Variants in MARCHF8 observed in about 807,000 individuals in gnomAD.
MARCHF8 encodes the protein E3 ubiquitin-protein ligase MARCHF8.
MARCHF8 carries 40 observed loss-of-function variants against 51.6 expected under a neutral mutation model. That is an observed-to-expected ratio of 0.77 (90% CI 0.60 to 1.01). MARCHF8 has a LOEUF of 1.01. Among genes scored for constraint, MARCHF8 ranks in the 50% least tolerant of loss-of-function variants. The pLI, the probability that MARCHF8 is intolerant of heterozygous loss-of-function variation, is 0.00. For synonymous variants in MARCHF8, 263 were observed against 280.3 expected, an observed-to-expected ratio of 0.94 and a Z score of 0.62; for missense variants, 685 against 708.6, an observed-to-expected ratio of 0.97 and a Z score of 0.38.
At chr10:45,583,149 TA>T (rs749427815) in intron 1 of MARCHF8, among the ~76,000 whole-genome samples, 2 of 152,242 alleles carry the variant, frequency 1.3e-5, no homozygotes, top group Non-Finnish European at 2.9e-5. Context: ...TCGCTATTTT[TA>T]AACAATGTCC....
Position 45,509,107 on chromosome 10 carries a change from C to T in MARCHF8, c.103-19690G>A, listed in dbSNP as rs1270433068. On this transcript the variant is annotated intron_variant, in intron 2 of 7. Coordinates refer to ENST00000453424, the MANE Select transcript of MARCHF8 (RefSeq NM_001282866.2). The stretch of plus-strand genomic sequence containing the variant: ...TATGCCAGGTACTTTGGGGCACAGG[C>T]TTCTAAATGACATTGCTTAAACAAC... Among the ~76,000 whole-genome samples the T allele has an allele frequency of 2.6e-5, 4 of 152,178 alleles. No individual in the cohort carries two copies. The East Asian group carries it at 7.7e-4, about 29-fold the overall frequency.
intron 1 of MARCHF8, among the ~76,000 whole-genome samples, chr10:45,569,495 A>C (rs11239564): frequency 0.22 from 33,995 of 152,116 alleles, 4,009 homozygotes; most frequent in South Asian, 0.36. Flanking sequence ...TGCTCAATTT[A>C]GTTTACTAGT....
upstream of MARCHF8, among the ~76,000 whole-genome samples, chr10:45,538,754 CAAG>C (rs1472753362): frequency 6.6e-6 from 1 of 152,180 alleles, no homozygotes; most frequent in South Asian, 2.1e-4. Context: ...ATCAATTCAA[CAAG>C]AAGAGCTAAC....
chr10:45,540,593 C>A (rs1161681192), intron 1 of MARCHF8, among the ~76,000 whole-genome samples: 1 of 152,186 alleles, frequency 6.6e-6, no homozygotes, highest in Non-Finnish European at 1.5e-5. Flanking sequence ...TAAAGAGCTT[C>A]TGCACAGCAA....
rs1213330249 is a variant in MARCHF8 at position 45,463,473 on chromosome 10, G to A, written c.766C>T (p.Arg256Trp). The A allele has an allele frequency of 5.5e-5, 85 of 1,550,516 alleles. No individual in the cohort carries two copies. Among genetic ancestry groups the A allele is most frequent in the Admixed American group, 2.2e-4 (11 of 50,992 alleles). Residue 256 changes from arginine (R) to tryptophan (W), a missense_variant, in exon 5 of 8, where the codon CGG becomes TGG. Coordinates refer to ENST00000453424, the MANE Select transcript of MARCHF8 (RefSeq NM_001282866.2). ...KADGEATSRS[R>W]QLLQYLFSLS... ...GAGAACAGGTACTGGAGCAGTTGCC[G>A]GCTTCGGGACGTGGCCTCACCATCC... is the stretch of plus-strand genomic sequence containing the variant.
chr10:45,576,259 G>A (rs1407232064), intron 1 of MARCHF8, among the ~76,000 whole-genome samples: 2 of 152,120 alleles, frequency 1.3e-5, no homozygotes, highest in Non-Finnish European at 2.9e-5. Context: ...AATTCAATGG[G>A]GAATTGCTTT....
chr10:45,489,837 G>A (rs560592358), intron 2 of MARCHF8, among the ~76,000 whole-genome samples: 5 of 152,244 alleles, frequency 3.3e-5, no homozygotes, highest in South Asian at 2.1e-4. Context: ...GAGTCACGGC[G>A]AAAGAGTGAA....
chr10:45,517,526 G>A (rs2043639461), intron 2 of MARCHF8, among the ~76,000 whole-genome samples: 1 of 152,094 alleles, frequency 6.6e-6, no homozygotes, highest in African/African-American at 2.4e-5. Context: ...CAGACCTCTT[G>A]CTCCTGCTCT....
chr10:45,576,059 G>A (rs757152247), intron 1 of MARCHF8, among the ~76,000 whole-genome samples: 8 of 152,082 alleles, frequency 5.3e-5, no homozygotes, highest in South Asian at 2.1e-4. Flanking sequence ...AGCCTGTTCC[G>A]TGGTCTCTTC....
chr10:45,542,542 G>C (rs1828270443), intron 1 of MARCHF8, among the ~76,000 whole-genome samples: 1 of 152,044 alleles, frequency 6.6e-6, no homozygotes, highest in South Asian at 2.1e-4. Flanking sequence ...ATAATTTATA[G>C]TATATGTAGC....
intron 2 of MARCHF8, among the ~76,000 whole-genome samples, chr10:45,507,828 A>G (rs2043416059): frequency 1.3e-5 from 2 of 150,422 alleles, no homozygotes; most frequent in African/African-American, 2.4e-5. Context: ...AAAAAAAAAG[A>G]TTTTATAAAA....
intron 2 of MARCHF8, among the ~76,000 whole-genome samples, chr10:45,525,869 T>C (rs976047657): frequency 2.0e-5 from 3 of 152,070 alleles, no homozygotes; most frequent in African/African-American, 7.2e-5. Context: ...GTCAAGGTAA[T>C]CTAAAACAAG....
At chr10:45,582,392 G>A (rs548235273) in intron 1 of MARCHF8, among the ~76,000 whole-genome samples, 10 of 152,220 alleles carry the variant, frequency 6.6e-5, no homozygotes, top group African/African-American at 2.2e-4. Flanking sequence ...ATATTATCTT[G>A]TCTTTCTCAT....
chr10:45,484,412 C>T (rs937723086), intron 3 of MARCHF8, among the ~76,000 whole-genome samples: 2 of 152,124 alleles, frequency 1.3e-5, no homozygotes, highest in Non-Finnish European at 2.9e-5. Context: ...AGATGCATGG[C>T]GATTTCATGG....
At chr10:45,566,570 A>G (rs1314028783) in intron 1 of MARCHF8, among the ~76,000 whole-genome samples, 1 of 152,216 alleles carries the variant, frequency 6.6e-6, no homozygotes, top group Non-Finnish European at 1.5e-5. Flanking sequence ...AATGATCTCC[A>G]GTTCCATCCA....
At chr10:45,555,480 T>C (rs193095017) in intron 1 of MARCHF8, among the ~76,000 whole-genome samples, 1 of 152,020 alleles carries the variant, frequency 6.6e-6, no homozygotes, top group African/African-American at 2.4e-5. Context: ...CTCACACCTG[T>C]AATCTCAGTA....
At chr10:45,510,839 T>C (rs973026108) in intron 2 of MARCHF8, among the ~76,000 whole-genome samples, 2 of 152,180 alleles carry the variant, frequency 1.3e-5, no homozygotes, top group African/African-American at 4.8e-5. Context: ...TAAAGTGGAC[T>C]ATGTGGAAGT....
rs112493424 is a variant in MARCHF8 at position 45,500,160 on chromosome 10, T to A, written c.103-10743A>T. 7.2e-5 allele frequency among the ~76,000 whole-genome samples: 11 copies of A among 152,322 alleles called. 2 individuals carry two copies. Among genetic ancestry groups the A allele is most frequent in the African/African-American group, 2.2e-4 (9 of 41,586 alleles). On this transcript the variant is annotated intron_variant, in intron 2 of 7. Transcript: ENST00000453424. ...TAAGTCTTTACCACTTTGGTTAAGT[T>A]TATTCCTATTTTATGCATTTTTGAT...
chr10:45,569,856 G>C lies in MARCHF8; in HGVS notation c.-79+24379C>G, dbSNP rs531560249. The stretch of plus-strand genomic sequence containing the variant: ...AAAATGTAGCTTTTTTTCAGATTGG[G>C]GAGAAGAAAAAAACAAGACCCAATT... On this transcript the variant is annotated intron_variant, in intron 1 of 6. Coordinates refer to the MARCHF8 transcript ENST00000319836. 7.3e-5 allele frequency among the ~76,000 whole-genome samples: 11 copies of C among 151,686 alleles called. 1 individual carries two copies. The South Asian group carries it at 2.3e-3, about 32-fold the overall frequency.
Sources: gnomAD v4.1 joint callset for allele counts (sites outside exome capture counted in the v4.1 genomes callset) on GRCh38, gnomAD v4.1.1 for gene constraint, MANE v1.5 for transcripts, NCBI Gene and HGNC (gene_info 2026-07-23, HGNC 2026-07-21) for gene names.